The following OSBPL9 variants were observed in gnomAD, a reference collection of about 807,000 sequenced individuals.
OSBPL9 encodes the protein oxysterol binding protein like 9.
In OSBPL9, 40 loss-of-function variants were observed where a neutral mutation model predicts 106.6. The observed-to-expected ratio is 0.38, with a 90% CI of 0.29 to 0.49. The LOEUF is 0.49. OSBPL9 is among the 20% of genes least tolerant of loss of function. The pLI, the probability that OSBPL9 is intolerant of heterozygous loss-of-function variation, is 0.97. For missense variants in OSBPL9, 609 were observed against 887.2 expected, an observed-to-expected ratio of 0.69 and a Z score of 3.98; for synonymous variants, 269 against 295.4, an observed-to-expected ratio of 0.91 and a Z score of 0.92.
chr1:51,642,123 C>T lies in OSBPL9; in HGVS notation c.112-9868C>T, dbSNP rs116235718. Among the ~76,000 whole-genome samples, 161 of 152,058 alleles carry T rather than the reference C, an allele frequency of 1.1e-3. 1 individual carries two copies. The highest frequency in any genetic ancestry group is 3.7e-3 in the African/African-American group (152 of 41,470). On this transcript the variant is annotated intron_variant, in intron 1 of 23. Transcript: ENST00000428468. ...GGGCAGCCGATTTTAATTTTCTGAC[C>T]AACATAATCAGAATAAGAATAGAAG...
At chr1:51,597,453 GTGTGTGTA>G (rs1177368166) in intron 1 of OSBPL9, among the ~76,000 whole-genome samples, 9 of 148,142 alleles carry the variant, frequency 6.1e-5, no homozygotes, top group East Asian at 2.0e-4. Context: ...GTGTGTGTGT[GTGTGTGTA>G]TATACACACA....
At position 51,634,849 on chromosome 1, in the gene OSBPL9, C is replaced by T. The variant is rs528845026; in HGVS notation, c.112-17142C>T. On this transcript the variant is annotated intron_variant, in intron 1 of 23. Transcript: ENST00000428468. The stretch of plus-strand genomic sequence containing the variant: ...GGTAGAAGGCGAAAAGCATGTCTTA[C>T]GCTGGGGCAGGCAAAGAGAGAATAA... Among the ~76,000 whole-genome samples the T allele has an allele frequency of 4.6e-5, 7 of 152,256 alleles. No homozygotes were observed. In the East Asian group the frequency reaches 9.6e-4, roughly 21 times the overall value.
chr1:51,665,536 T>C (rs1432966475), intron 2 of OSBPL9, among the ~76,000 whole-genome samples: 1 of 152,192 alleles, frequency 6.6e-6, no homozygotes, highest in Non-Finnish European at 1.5e-5. Flanking sequence ...AGTGTGGATG[T>C]AGGGTTTTTG....
chr1:51,788,434 T>C lies in OSBPL9; in HGVS notation c.*645T>C, dbSNP rs1447663528. On this transcript the variant is annotated 3_prime_UTR_variant, in exon 24 of 24. Coordinates refer to ENST00000428468, the MANE Select transcript of OSBPL9 (RefSeq NM_024586.6). ...ATTAATTATTCTTAGTGCTTAAGGC[T>C]TCATAAAGTAATTTTTCCAACCTTT... 1 of 152,672 alleles carries C rather than the reference T, an allele frequency of 6.5e-6. No individual in the cohort carries two copies. Among genetic ancestry groups the C allele is most frequent in the African/African-American group, 2.4e-5 (1 of 41,462 alleles). The allele number at this position is 152,672 out of a possible 1,614,324, so 9.5% of individuals were successfully genotyped here. A position where few individuals can be genotyped will look rare whatever the true frequency, so the allele number is the denominator to read the frequency against.
chr1:51,539,227 C>T, the OSBPL9 span, among the ~76,000 whole-genome samples: 1,234 of 152,306 alleles, frequency 8.1e-3, 14 homozygotes, highest in Non-Finnish European at 0.012. Context: ...AAACCTGCTT[C>T]GCCTCGAGTC....
intron 2 of OSBPL9, among the ~76,000 whole-genome samples, chr1:51,606,615 A>T (rs531008870): frequency 7.9e-5 from 12 of 152,380 alleles, no homozygotes; most frequent in African/African-American, 2.9e-4. Flanking sequence ...GGAGGCAGGC[A>T]CATGATTATA....
At chr1:51,559,861 T>TA in the OSBPL9 span, among the ~76,000 whole-genome samples, 17 of 149,244 alleles carry the variant, frequency 1.1e-4, no homozygotes, top group Non-Finnish European at 1.9e-4. Context: ...GAGACAACTG[T>TA]AAAAAAAAAA....
At chr1:51,786,266 A>G (rs1345158823) in intron 21 of OSBPL9, 2 of 452,124 alleles carry the variant, frequency 4.4e-6, no homozygotes, top group South Asian at 5.8e-5. Context: ...AAGATTTTGT[A>G]TAATAAAATT....
intron 12 of OSBPL9, among the ~76,000 whole-genome samples, chr1:51,769,355 T>A (rs1211221803): frequency 6.6e-6 from 1 of 152,224 alleles, no homozygotes; most frequent in Non-Finnish European, 1.5e-5. Flanking sequence ...GTTTACACAT[T>A]TATAAATTAG....
chr1:51,623,323 G>A (rs1644560778), intron 1 of OSBPL9, among the ~76,000 whole-genome samples: 1 of 152,202 alleles, frequency 6.6e-6, no homozygotes. Flanking sequence ...CTTAAATGGT[G>A]TAGGGATGGG....
intron 2 of OSBPL9, among the ~76,000 whole-genome samples, chr1:51,660,072 G>A (rs1647043244): frequency 6.6e-6 from 1 of 152,076 alleles, no homozygotes; most frequent in Non-Finnish European, 1.5e-5. Context: ...ATATGATAGA[G>A]CGTTACAAAT....
At chr1:51,684,590 G>A (rs990904700) in intron 3 of OSBPL9, among the ~76,000 whole-genome samples, 1 of 152,162 alleles carries the variant, frequency 6.6e-6, no homozygotes, top group Admixed American at 6.6e-5. Flanking sequence ...GAGTGCAGTG[G>A]CATGATCTTG....
intron 1 of OSBPL9, among the ~76,000 whole-genome samples, chr1:51,642,831 C>T (rs1645890498): frequency 6.6e-6 from 1 of 152,110 alleles, no homozygotes; most frequent in Admixed American, 6.5e-5. Context: ...ATTATCCTTC[C>T]AGACCAGTTG....
the OSBPL9 span, among the ~76,000 whole-genome samples, chr1:51,546,819 G>A: frequency 6.6e-6 from 1 of 151,436 alleles, no homozygotes; most frequent in Non-Finnish European, 1.5e-5. Flanking sequence ...AAAAATAAAA[G>A]CAAAACATAC....
At chr1:51,724,119 T>C (rs1174194380) in intron 4 of OSBPL9, among the ~76,000 whole-genome samples, 1 of 151,940 alleles carries the variant, frequency 6.6e-6, no homozygotes, top group Non-Finnish European at 1.5e-5. Flanking sequence ...CTAATTTTTG[T>C]ATTTTTAGTA....
intron 1 of OSBPL9, among the ~76,000 whole-genome samples, 169 bp from the exon 2 acceptor site, chr1:51,651,822 T>C (rs545973965): frequency 9.8e-5 from 15 of 152,342 alleles, no homozygotes; most frequent in African/African-American, 3.6e-4. Context: ...GACATTTTCA[T>C]TTAAAATCTG....
chr1:51,688,272 T>A (rs1249660114), intron 3 of OSBPL9, among the ~76,000 whole-genome samples: 1 of 152,230 alleles, frequency 6.6e-6, no homozygotes, highest in East Asian at 1.9e-4. Flanking sequence ...CTTTTCTAGC[T>A]TTATATATAG....
chr1:51,747,204 T>G (rs1016134951), intron 6 of OSBPL9, among the ~76,000 whole-genome samples: 40 of 152,326 alleles, frequency 2.6e-4, no homozygotes, highest in African/African-American at 9.1e-4. Flanking sequence ...TGACCTCAGG[T>G]GATCCACCCA....
intron 3 of OSBPL9, among the ~76,000 whole-genome samples, chr1:51,705,233 G>A (rs974979129): frequency 9.3e-5 from 14 of 150,930 alleles, no homozygotes; most frequent in Non-Finnish European, 1.3e-4. Context: ...GGTTGGTTTC[G>A]AACTCTTGGG....
Sources: allele counts gnomAD v4.1 joint callset (sites outside exome capture counted in the v4.1 genomes callset), GRCh38; gene constraint gnomAD v4.1.1; transcripts MANE v1.5; gene names NCBI Gene and HGNC (gene_info 2026-07-23, HGNC 2026-07-21).